The following CSNK1G2 variants were observed in gnomAD, a reference collection of about 807,000 sequenced individuals.
The protein encoded by CSNK1G2 is casein kinase 1 gamma 2.
CSNK1G2 carries 11 observed loss-of-function variants against 48.0 expected under a neutral mutation model. The ratio of observed to expected loss-of-function variants is 0.23; its 90% CI spans 0.14 to 0.38. The LOEUF is 0.38. Among genes scored for constraint, CSNK1G2 ranks in the 10% least tolerant of loss-of-function variants. CSNK1G2 has a pLI of 1.00. For synonymous variants in CSNK1G2, 337 were observed against 254.1 expected, an observed-to-expected ratio of 1.33 and a Z score of -3.10; for missense variants, 446 against 595.5, an observed-to-expected ratio of 0.75 and a Z score of 2.61.
intron 1 of CSNK1G2, among the ~76,000 whole-genome samples, chr19:1,955,604 G>A (rs1442332661): frequency 6.6e-6 from 1 of 151,068 alleles, no homozygotes; most frequent in Non-Finnish European, 1.5e-5. Flanking sequence ...GTCCATGTCA[G>A]GCTTAGGGTG....
rs1436226774 is a variant in CSNK1G2 at position 1,941,192 on chromosome 19, G to A, written c.-492G>A. The stretch of plus-strand genomic sequence containing the variant: ...CTGGCAGACGCTGGCGGCGTAAGGC[G>A]CGCGGGCCCCGGAGCGGGCGCGGCG... On this transcript the variant is annotated 5_prime_UTR_variant, in exon 1 of 12. Coordinates refer to ENST00000255641, the MANE Select transcript of CSNK1G2 (RefSeq NM_001319.7). 1.4e-5 allele frequency: 2 copies of A among 146,308 alleles called. No homozygotes were observed. Among genetic ancestry groups the A allele is most frequent in the Non-Finnish European group, 3.0e-5 (2 of 65,818 alleles). The allele number at this position is 146,308 out of a possible 1,614,324, so 9.1% of individuals were successfully genotyped here.
rs1476389351 is a variant in CSNK1G2 at position 1,957,946 on chromosome 19, A to G, written c.-265-11562A>G. On this transcript the variant is annotated intron_variant, in intron 1 of 11. Coordinates refer to ENST00000255641, the MANE Select transcript of CSNK1G2 (RefSeq NM_001319.7). The surrounding 1 kb of genome is among the most constrained non-coding windows in gnomAD (Gnocchi z 5.4). ...CGGGGCACACGGCAGAGCCAGCCTC[A>G]TGTCACCACGTGCTTCCCCCGTGTG... Among the ~76,000 whole-genome samples, 4 of 152,016 alleles carry G rather than the reference A, an allele frequency of 2.6e-5. No individual in the cohort carries two copies. The highest frequency in any genetic ancestry group is 4.4e-5 in the Non-Finnish European group (3 of 67,972).
In CSNK1G2 at chr19:1,978,248, G is replaced by C. The variant is rs140429733; in HGVS notation, c.188-57G>C. The stretch of plus-strand genomic sequence containing the variant: ...CCTCCTGCCTCGGGGGTGGGCTGGG[G>C]AGGTCGGGGCTAGGTGGGCCCTGCG... On this transcript the variant is annotated intron_variant, in intron 2 of 11. Coordinates refer to ENST00000255641, the MANE Select transcript of CSNK1G2 (RefSeq NM_001319.7). The surrounding 1 kb of genome is among the most constrained non-coding windows in gnomAD (Gnocchi z 7.3). 24,770 of 1,594,954 alleles carry C rather than the reference G, an allele frequency of 0.016. 436 individuals are homozygous for C. The highest frequency in any genetic ancestry group is 0.083 in the Admixed American group (4,955 of 59,932).
intron 1 of CSNK1G2, among the ~76,000 whole-genome samples, chr19:1,947,910 C>T (rs1431673766): frequency 6.6e-6 from 1 of 152,038 alleles, no homozygotes; most frequent in African/African-American, 2.4e-5. Context: ...ACCTCGCCCG[C>T]GGCCCTGGGC....
At position 1,969,721 on chromosome 19, in the gene CSNK1G2, G is replaced by C; in HGVS notation, c.-52G>C. On this transcript the variant is annotated 5_prime_UTR_variant, in exon 2 of 12. Coordinates refer to ENST00000255641, the MANE Select transcript of CSNK1G2 (RefSeq NM_001319.7). ...AAGACCTCAGGTTTCCAGAGACTTG[G>C]GATTTGCACGGCAGCAGAGTCACCG... 8.0e-7 allele frequency: 1 copy of C among 1,244,672 alleles called. No individual in the cohort carries two copies. The highest frequency in any genetic ancestry group is 1.0e-6 in the Non-Finnish European group (1 of 982,842). 77.1% of individuals were successfully genotyped at this position (1,244,672 alleles called of 1,614,324 possible).
At chr19:1,975,653 C>T in intron 2 of CSNK1G2, 1 of 985,344 alleles carries the variant, frequency 1.0e-6, no homozygotes, top group Non-Finnish European at 1.2e-6. Context: ...GAAGGACACG[C>T]AAATGCTGGA....
intron 2 of CSNK1G2, chr19:1,975,082 G>A (rs1352960049): frequency 1.0e-6 from 1 of 985,356 alleles, no homozygotes; most frequent in Admixed American, 6.1e-5. Flanking sequence ...CACAGCGGTG[G>A]GGTTCAGGCG....
intron 2 of CSNK1G2, chr19:1,975,520 C>G: frequency 1.0e-6 from 1 of 985,442 alleles, no homozygotes; most frequent in Non-Finnish European, 1.2e-6. Flanking sequence ...CTGTGAGCCG[C>G]GGCACAGCAC....
chr19:1,952,499 T>A (rs1343531091), intron 1 of CSNK1G2: 1 of 152,550 alleles, frequency 6.6e-6, no homozygotes, highest in Non-Finnish European at 1.5e-5. Context: ...ATTTTTGTAT[T>A]TTTAGAAGAG....
At chr19:1,975,302 C>T (rs556666217) in intron 2 of CSNK1G2, 2 of 985,502 alleles carry the variant, frequency 2.0e-6, no homozygotes, top group African/African-American at 3.5e-5. Flanking sequence ...GTGTAGCACA[C>T]AGGCGAGGGC....
chr19:1,958,266 C>T (rs984975458), intron 1 of CSNK1G2, among the ~76,000 whole-genome samples: 6 of 150,886 alleles, frequency 4.0e-5, no homozygotes, highest in Non-Finnish European at 8.9e-5. Flanking sequence ...CCAGAGGCCG[C>T]TGGGCCTCGC....
At chr19:1,974,842 C>T (rs2015698452) in intron 2 of CSNK1G2, 2 of 153,436 alleles carry the variant, frequency 1.3e-5, no homozygotes, top group South Asian at 2.1e-4. Context: ...CTGTGGCGTC[C>T]TCCCTCCTGT....
chr19:1,952,145 G>A (rs2014785701), intron 1 of CSNK1G2, among the ~76,000 whole-genome samples: 1 of 152,190 alleles, frequency 6.6e-6, no homozygotes, highest in South Asian at 2.1e-4. Flanking sequence ...GTGTGAAAGG[G>A]GTCGTGATGG....
chr19:1,951,613 G>A (rs1299477966), intron 1 of CSNK1G2, among the ~76,000 whole-genome samples: 1 of 144,802 alleles, frequency 6.9e-6, no homozygotes, highest in Non-Finnish European at 1.5e-5. Context: ...GGATGCTTGG[G>A]TGCCCTCAGG....
intron 1 of CSNK1G2, among the ~76,000 whole-genome samples, chr19:1,962,332 A>G (rs545469506): frequency 3.3e-5 from 5 of 151,590 alleles, no homozygotes; most frequent in Admixed American, 6.6e-5. Context: ...CTCTGTCAAC[A>G]ACAACAACAA....
In CSNK1G2 at chr19:1,980,619, C is replaced by A; in HGVS notation, c.*416C>A. On this transcript the variant is annotated 3_prime_UTR_variant, in exon 12 of 12. Coordinates refer to ENST00000255641, the MANE Select transcript of CSNK1G2 (RefSeq NM_001319.7). ...GTCATAAAGTCCAGCTTGTCTCCCT[C>A]GATCCAAAGGCCGTTTTCTCGAGGG... 2 of 231,994 alleles carry A rather than the reference C, an allele frequency of 8.6e-6. No homozygotes were observed. The highest frequency in any genetic ancestry group is 1.7e-5 in the Non-Finnish European group (2 of 114,854). The allele number at this position is 231,994 out of a possible 1,614,324, so 14.4% of individuals were successfully genotyped here. A position where few individuals can be genotyped will look rare whatever the true frequency, so the allele number is the denominator to read the frequency against.
chr19:1,949,524 C>T (rs189800318), intron 1 of CSNK1G2, among the ~76,000 whole-genome samples: 6 of 152,326 alleles, frequency 3.9e-5, no homozygotes, highest in South Asian at 2.1e-4. Flanking sequence ...TGGGTGGCCA[C>T]GTGTTTATTT....
At chr19:1,964,352 G>A (rs1303186768) in intron 1 of CSNK1G2, among the ~76,000 whole-genome samples, 17 of 151,966 alleles carry the variant, frequency 1.1e-4, no homozygotes, top group Admixed American at 9.8e-4. Context: ...TCCTTGAGAC[G>A]TGTCAGCCAG....
chr19:1,975,694 T>C, intron 2 of CSNK1G2: 1 of 982,536 alleles, frequency 1.0e-6, no homozygotes, highest in Non-Finnish European at 1.2e-6. Context: ...GGGGGCAGTG[T>C]CCTGAGCTCT....
Sources: allele counts gnomAD v4.1 joint callset (sites outside exome capture counted in the v4.1 genomes callset), GRCh38; gene constraint gnomAD v4.1.1; non-coding constraint Gnocchi (gnomAD v3.1); transcripts MANE v1.5; gene names NCBI Gene and HGNC (gene_info 2026-07-23, HGNC 2026-07-21).